GPC3: variants seen among roughly 807,000 people sequenced by gnomAD.
The protein encoded by GPC3 is glypican 3.
Under a neutral mutation model 34.4 loss-of-function variants are expected in GPC3, and 3 were observed. The observed-to-expected ratio is 0.09, with a 90% CI of 0.04 to 0.23. The LOEUF is 0.23. Ranked by LOEUF, GPC3 falls within the 10% of genes least tolerant of loss-of-function variation. The pLI is 1.00. For synonymous variants in GPC3, 177 were observed against 174.0 expected (o/e 1.02, Z -0.13); for missense variants, 351 against 445.6 (o/e 0.79, Z 1.91).
chrX:133,582,812 C>T (rs181541899), intron 7 of GPC3, among the ~76,000 whole-genome samples: 4 of 111,095 alleles, frequency 3.6e-5, no homozygotes, highest in South Asian at 3.9e-4. Context: ...GAGAGTGGTG[C>T]AGGGGATGAG....
intron 6 of GPC3, among the ~76,000 whole-genome samples, chrX:133,648,643 T>A (rs2070567838): frequency 9.0e-6 from 1 of 111,665 alleles, no homozygotes; most frequent in Non-Finnish European, 1.9e-5. Flanking sequence ...TTCCTTAGTA[T>A]GCTATTCATG....
rs193138059 is a variant in GPC3 at position 133,668,247 on chromosome X, T to C, written c.1293-6397A>G. Among the ~76,000 whole-genome samples the C allele has an allele frequency of 8.4e-3, 934 of 111,722 alleles. 6 individuals carry two copies. Among genetic ancestry groups the C allele is most frequent in the Non-Finnish European group, 0.014 (766 of 53,099 alleles). ...CAATGAGGTAACTCCGACCTGCCTA[T>C]TTCAAAAAGATAGTATATTAGTGAG... On this transcript the variant is annotated intron_variant, in intron 5 of 7. Transcript: ENST00000370818.
chrX:133,726,777 T>G (rs1342388664), intron 3 of GPC3, among the ~76,000 whole-genome samples: 1 of 110,937 alleles, frequency 9.0e-6, no homozygotes, highest in Non-Finnish European at 1.9e-5. Context: ...ACAAACCGAG[T>G]GGCCACACTG....
intron 6 of GPC3, among the ~76,000 whole-genome samples, chrX:133,605,354 G>C (rs757046521): frequency 3.6e-5 from 4 of 111,322 alleles, no homozygotes; most frequent in Non-Finnish European, 7.5e-5. Context: ...TATCTTCACA[G>C]GGCTGTTGAA....
At chrX:133,819,547 T>C (rs1168403885) in intron 2 of GPC3, among the ~76,000 whole-genome samples, 1 of 110,892 alleles carries the variant, frequency 9.0e-6, no homozygotes, top group Non-Finnish European at 1.9e-5. Flanking sequence ...TAGATGACAT[T>C]TGAGTTCCTT....
At chrX:133,763,828 T>G (rs1405842013) in intron 2 of GPC3, 6 of 391,456 alleles carry the variant, frequency 1.5e-5, no homozygotes, top group Admixed American at 4.2e-5. Context: ...GGTGGGAATG[T>G]AAATTAGTTC....
At chrX:133,974,606 G>A (rs189284866) in intron 1 of GPC3, among the ~76,000 whole-genome samples, 2 of 110,815 alleles carry the variant, frequency 1.8e-5, no homozygotes, top group Non-Finnish European at 3.8e-5. Flanking sequence ...TCAGATGTTG[G>A]CAAAATACAT....
At chrX:133,937,588 G>A (rs559797997) in intron 2 of GPC3, among the ~76,000 whole-genome samples, 7 of 110,375 alleles carry the variant, frequency 6.3e-5, no homozygotes, top group African/African-American at 1.6e-4. Context: ...AAACCTACAC[G>A]TGTGAAATAT....
intron 2 of GPC3, among the ~76,000 whole-genome samples, chrX:133,813,447 T>C (rs1429409051): frequency 8.9e-6 from 1 of 112,628 alleles, no homozygotes; most frequent in Non-Finnish European, 1.9e-5. Context: ...CTGGGGGAAG[T>C]ATTATTGGTG....
At chrX:133,773,500 A>G (rs2071943831) in intron 2 of GPC3, among the ~76,000 whole-genome samples, 1 of 112,198 alleles carries the variant, frequency 8.9e-6, no homozygotes, top group Admixed American at 9.5e-5. Context: ...GCATTTTAGG[A>G]TGAACAAAAT....
chrX:133,623,310 T>C (rs1489753429), intron 6 of GPC3, among the ~76,000 whole-genome samples: 1 of 111,949 alleles, frequency 8.9e-6, no homozygotes, highest in Non-Finnish European at 1.9e-5. Context: ...CACATAACAA[T>C]ATTAACCTTA....
chrX:133,856,021 C>T (rs1415725165), intron 2 of GPC3, among the ~76,000 whole-genome samples: 1 of 111,783 alleles, frequency 8.9e-6, no homozygotes, highest in Non-Finnish European at 1.9e-5. Context: ...TTTTCTTTAT[C>T]CATTTGTCTG....
chrX:133,985,193 G>C (rs1402545905), intron 1 of GPC3, 82 bp downstream of exon 1: 2 of 1,066,534 alleles, frequency 1.9e-6, no homozygotes, highest in Non-Finnish European at 2.6e-6. Context: ...AGCCCGGCGG[G>C]GCTAGCGCGC....
chrX:133,659,923 T>C (rs1173285162), intron 6 of GPC3, among the ~76,000 whole-genome samples: 4 of 112,015 alleles, frequency 3.6e-5, no homozygotes, highest in African/African-American at 1.3e-4. Flanking sequence ...TTTACATCGT[T>C]TGTGCTCTGA....
intron 2 of GPC3, among the ~76,000 whole-genome samples, chrX:133,780,761 C>T (rs2072036923): frequency 9.0e-6 from 1 of 111,341 alleles, no homozygotes; most frequent in African/African-American, 3.3e-5. Context: ...ATCACCTCCT[C>T]CATCAAACCC....
intron 2 of GPC3, among the ~76,000 whole-genome samples, chrX:133,864,921 A>T (rs1476752525): frequency 8.9e-6 from 1 of 112,700 alleles, no homozygotes; most frequent in Non-Finnish European, 1.9e-5. Context: ...TACACAGATT[A>T]CAAACTTGCC....
chrX:133,950,299 C>T (rs1235068060), intron 2 of GPC3, among the ~76,000 whole-genome samples: 2 of 111,982 alleles, frequency 1.8e-5, no homozygotes, highest in Non-Finnish European at 3.8e-5. Flanking sequence ...ACCACTGTAG[C>T]AAAGGGCCCC....
intron 3 of GPC3, among the ~76,000 whole-genome samples, chrX:133,742,226 TTAGTGTA>T (rs2071570321): frequency 1.8e-5 from 2 of 111,638 alleles, no homozygotes; most frequent in Non-Finnish European, 3.8e-5. Context: ...AGGGATGGGC[TTAGTGTA>T]GGCATTGGCC....
intron 2 of GPC3, among the ~76,000 whole-genome samples, chrX:133,805,409 G>C (rs2075631037): frequency 8.9e-6 from 1 of 111,790 alleles, no homozygotes; most frequent in Non-Finnish European, 1.9e-5. Context: ...CCTAGGACTG[G>C]GGGACAGTGG....
Sources: gnomAD v4.1 joint callset for allele counts (sites outside exome capture counted in the v4.1 genomes callset) on GRCh38, gnomAD v4.1.1 for gene constraint, MANE v1.5 for transcripts, NCBI Gene and HGNC (gene_info 2026-07-23, HGNC 2026-07-21) for gene names.